The following MAD1L1 variants were observed in gnomAD, a reference collection of about 807,000 sequenced individuals.
MAD1L1 encodes mitotic spindle assembly checkpoint protein MAD1.
MAD1L1 carries 95 observed loss-of-function variants against 96.9 expected under a neutral mutation model. The observed-to-expected ratio is 0.98, with a 90% confidence interval of 0.83 to 1.16. The LOEUF is 1.16. Ranked by LOEUF, MAD1L1 falls within the 50% of genes most tolerant of loss-of-function variation. The probability of loss-of-function intolerance (pLI) is 0.00; values close to 1 mark genes in which losing one functional copy is unlikely to be tolerated. For missense variants in MAD1L1, 1,007 were observed against 954.4 expected, an observed-to-expected ratio of 1.06 and a Z score of -0.73; for synonymous variants, 473 against 396.6, an observed-to-expected ratio of 1.19 and a Z score of -2.29.
At chr7:2,116,569 G>A (rs1021600783) in intron 11 of MAD1L1, among the ~76,000 whole-genome samples, 1 of 75,438 alleles carries the variant, frequency 1.3e-5, no homozygotes, top group East Asian at 3.8e-4. Flanking sequence ...CAGAGGGTTG[G>A]GGGGGGGGGG....
At chr7:1,942,521 A>G (rs966184520) in intron 16 of MAD1L1, among the ~76,000 whole-genome samples, 1 of 152,158 alleles carries the variant, frequency 6.6e-6, no homozygotes, top group African/African-American at 2.4e-5. Context: ...AGGGCAGCCG[A>G]GTGTCGGGAT....
intron 17 of MAD1L1, among the ~76,000 whole-genome samples, chr7:1,916,089 T>A (rs1255574530): frequency 7.0e-6 from 1 of 142,116 alleles, no homozygotes; most frequent in Non-Finnish European, 1.6e-5. Context: ...AGTGCAGGCA[T>A]CCCCACACAC....
chr7:1,978,072 C>T lies in MAD1L1; in HGVS notation c.1505+2381G>A, dbSNP rs938295925. Among the ~76,000 whole-genome samples the T allele has an allele frequency of 2.4e-4, 37 of 152,360 alleles. 1 individual carries two copies. Among genetic ancestry groups the T allele is most frequent in the African/African-American group, 8.9e-4 (37 of 41,590 alleles). Reference sequence around the variant, plus strand: ...GATGCGCTGCTGTGCACGGCCTCTCCCCCTGCGCCCGCGTGCCTCCAGAGG... The same window carrying T: ...GATGCGCTGCTGTGCACGGCCTCTCTCCCTGCGCCCGCGTGCCTCCAGAGG... On this transcript the variant is annotated intron_variant, in intron 15 of 18. Coordinates refer to ENST00000265854, the MANE Select transcript of MAD1L1 (RefSeq NM_001013836.2).
chr7:1,879,804 C>T (rs1320224393), intron 18 of MAD1L1, among the ~76,000 whole-genome samples: 1 of 152,158 alleles, frequency 6.6e-6, no homozygotes, highest in Non-Finnish European at 1.5e-5. Context: ...GATCTCGGCT[C>T]ACTGCAAGCT....
intron 12 of MAD1L1, among the ~76,000 whole-genome samples, chr7:2,022,154 T>C (rs528820829): frequency 4.6e-5 from 7 of 152,212 alleles, no homozygotes; most frequent in Admixed American, 3.9e-4. Context: ...TAATGGACGA[T>C]TGTTTGAAGT....
intron 10 of MAD1L1, among the ~76,000 whole-genome samples, chr7:2,212,891 T>C (rs1793053815): frequency 6.6e-6 from 1 of 152,254 alleles, no homozygotes; most frequent in Non-Finnish European, 1.5e-5. Context: ...AAAGCAATTA[T>C]TTCCTCGGTA....
At chr7:1,905,249 G>C (rs1367436383) in intron 17 of MAD1L1, among the ~76,000 whole-genome samples, 1 of 93,626 alleles carries the variant, frequency 1.1e-5, no homozygotes, top group Admixed American at 1.2e-4. Context: ...CAGCGAGGAC[G>C]CAGTGGCCTA....
intron 15 of MAD1L1, among the ~76,000 whole-genome samples, chr7:1,979,752 C>T (rs771413095): frequency 3.3e-5 from 5 of 152,308 alleles, no homozygotes; most frequent in South Asian, 2.1e-4. Context: ...CTGCTGGACA[C>T]GCCTGGCTGC....
At chr7:2,059,591 G>A (rs1161796855) in intron 12 of MAD1L1, among the ~76,000 whole-genome samples, 10 of 146,056 alleles carry the variant, frequency 6.8e-5, no homozygotes, top group Admixed American at 6.8e-4. Flanking sequence ...GAGAGGAGAG[G>A]CACGGGGCTG....
chr7:2,126,164 T>G (rs1048016755), intron 11 of MAD1L1, among the ~76,000 whole-genome samples: 1 of 152,116 alleles, frequency 6.6e-6, no homozygotes, highest in African/African-American at 2.4e-5. Flanking sequence ...ATGGCCTAGG[T>G]TCCTGCAAAG....
chr7:2,141,325 C>T (rs1584414817), intron 11 of MAD1L1, among the ~76,000 whole-genome samples: 1 of 152,262 alleles, frequency 6.6e-6, no homozygotes, highest in African/African-American at 2.4e-5. Flanking sequence ...TGCTGATGAC[C>T]CAGGCTTTCC....
At chr7:1,839,579 T>C (rs1386953094) in intron 18 of MAD1L1, among the ~76,000 whole-genome samples, 1 of 152,136 alleles carries the variant, frequency 6.6e-6, no homozygotes, top group African/African-American at 2.4e-5. Context: ...CACAGGGCCA[T>C]AGAGAGCATT....
chr7:1,905,174 G>A (rs1205325666), intron 17 of MAD1L1, among the ~76,000 whole-genome samples: 2 of 83,184 alleles, frequency 2.4e-5, no homozygotes, highest in East Asian at 4.0e-4. Flanking sequence ...TCCAGGCAGT[G>A]AGGACGCAGT....
intron 18 of MAD1L1, among the ~76,000 whole-genome samples, chr7:1,850,913 T>C (rs1409913512): frequency 6.6e-6 from 1 of 151,842 alleles, no homozygotes; most frequent in African/African-American, 2.4e-5. Flanking sequence ...GGGACCCCCA[T>C]AGGAAGCAGC....
At chr7:1,882,634 C>T (rs1235275526) in intron 18 of MAD1L1, among the ~76,000 whole-genome samples, 3 of 152,190 alleles carry the variant, frequency 2.0e-5, no homozygotes, top group Admixed American at 6.5e-5. Context: ...AGGCCTGGAG[C>T]GTGAGCACCT....
chr7:2,212,583 ACTCTCTCG>A (rs1434697854), intron 10 of MAD1L1, among the ~76,000 whole-genome samples: 1 of 151,626 alleles, frequency 6.6e-6, no homozygotes, highest in East Asian at 1.9e-4. Flanking sequence ...ACGCTCGCTC[ACTCTCTCG>A]CTCTCTCATT....
intron 16 of MAD1L1, among the ~76,000 whole-genome samples, chr7:1,951,766 C>T (rs1307255775): frequency 1.3e-5 from 2 of 152,160 alleles, no homozygotes; most frequent in Admixed American, 6.5e-5. Context: ...GGTGTCGGGA[C>T]GCGCCTCCTC....
chr7:1,843,046 AGTCCCTCTGG>A (rs932347552), intron 18 of MAD1L1, among the ~76,000 whole-genome samples: 1 of 152,238 alleles, frequency 6.6e-6, no homozygotes, highest in African/African-American at 2.4e-5. Flanking sequence ...TGAGTGTGTC[AGTCCCTCTGG>A]GGACCATCTG....
At position 1,922,536 on chromosome 7, in the gene MAD1L1, C is replaced by T. The variant is rs577645677; in HGVS notation, c.1807+14151G>A. On this transcript the variant is annotated intron_variant, in intron 17 of 18. Coordinates refer to ENST00000265854, the MANE Select transcript of MAD1L1 (RefSeq NM_001013836.2). ...CACACACAGAAATCCCGGGTGAACT[C>T]GCTCGACTCGTTTTTATCTTGTGAT... Among the ~76,000 whole-genome samples the T allele has an allele frequency of 4.1e-4, 62 of 152,338 alleles. No homozygotes were observed. The South Asian group carries it at 5.6e-3, about 14-fold the overall frequency.
Sources: allele counts gnomAD v4.1 joint callset (sites outside exome capture counted in the v4.1 genomes callset), GRCh38; gene constraint gnomAD v4.1.1; transcripts MANE v1.5; gene names NCBI Gene and HGNC (gene_info 2026-07-23, HGNC 2026-07-21).